The following HSF5 variants were observed in gnomAD, a reference collection of about 807,000 sequenced individuals.
HSF5 encodes the protein heat shock transcription factor 5, also known as heat shock factor protein 5.
Under a neutral mutation model 50.8 loss-of-function variants are expected in HSF5, and 5 were observed. The ratio of observed to expected loss-of-function variants is 0.10; its 90% CI spans 0.05 to 0.21. The LOEUF (loss-of-function observed/expected upper bound fraction) is 0.21, where lower values mean the gene tolerates loss of function less well. HSF5 is among the 10% of genes least tolerant of loss of function. The pLI is 1.00. For missense variants in HSF5, 564 were observed against 762.6 expected, an observed-to-expected ratio of 0.74 and a Z score of 3.07; for synonymous variants, 307 against 307.4, an observed-to-expected ratio of 1.00 and a Z score of 0.02.
chr17:58,462,939 T>C lies in HSF5; in HGVS notation c.1385A>G (p.Tyr462Cys), dbSNP rs1974812765. ...AACAGGCTGAGCTGTGTGGATGGTA[T>C]AGATGTACTCAGGTGACTGTGGTAG... ...CSLPQSPEYI[Y>C]TIHTAQPVEN... is the part of the protein sequence containing the mutation. The change falls in exon 4 of 6, where the codon TAT becomes TGT. Residue 462 changes from tyrosine (Y) to cysteine (C), a missense_variant. By Grantham distance (194) the Tyr-to-Cys change is radical (BLOSUM62 -2). Around this residue, in one of 5 missense-constraint regions of HSF5, gnomAD observed 441 missense variants for 533.6 expected, o/e 0.83. Coordinates refer to ENST00000323777, the MANE Select transcript of HSF5 (RefSeq NM_001080439.3). The C allele has an allele frequency of 6.2e-7, 1 of 1,614,220 alleles. No homozygotes were observed. The highest frequency in any genetic ancestry group is 1.1e-5 in the South Asian group (1 of 91,082).
chr17:58,428,028 T>C (rs1322285680), intron 5 of HSF5, among the ~76,000 whole-genome samples: 1 of 152,244 alleles, frequency 6.6e-6, no homozygotes, highest in Non-Finnish European at 1.5e-5. Context: ...TTTATGGACA[T>C]TGAAATCTGA....
At chr17:58,479,048 T>G (rs976318370) in intron 2 of HSF5, among the ~76,000 whole-genome samples, 1 of 151,942 alleles carries the variant, frequency 6.6e-6, no homozygotes, top group Non-Finnish European at 1.5e-5. Context: ...GGTTTCTCCT[T>G]CTCTCTGCTA....
chr17:58,442,428 G>A (rs1284255286), intron 5 of HSF5, among the ~76,000 whole-genome samples: 4 of 152,126 alleles, frequency 2.6e-5, no homozygotes, highest in Non-Finnish European at 4.4e-5. Context: ...CAGTCTCTGG[G>A]GGGTAAATGG....
intron 5 of HSF5, among the ~76,000 whole-genome samples, chr17:58,436,711 G>A: frequency 6.6e-6 from 1 of 152,028 alleles, no homozygotes; most frequent in East Asian, 1.9e-4. Context: ...TGTCTCGATA[G>A]ATTGTTCTGG....
chr17:58,453,886 C>A (rs1353744670), intron 5 of HSF5, among the ~76,000 whole-genome samples: 1 of 151,710 alleles, frequency 6.6e-6, no homozygotes, highest in African/African-American at 2.4e-5. Flanking sequence ...GTCAGGAGTT[C>A]GAGACCAGCC....
At chr17:58,479,675 T>C (rs1975072058) in intron 2 of HSF5, among the ~76,000 whole-genome samples, 1 of 152,188 alleles carries the variant, frequency 6.6e-6, no homozygotes. Flanking sequence ...AATACACACC[T>C]TTATACATCA....
intron 5 of HSF5, among the ~76,000 whole-genome samples, chr17:58,427,183 C>T (rs1019445643): frequency 3.3e-5 from 5 of 152,144 alleles, no homozygotes; most frequent in Non-Finnish European, 7.3e-5. Flanking sequence ...AGGAGGATAG[C>T]TTGAGCCCAG....
At chr17:58,471,747 G>A (rs1164726657) in intron 2 of HSF5, among the ~76,000 whole-genome samples, 5 of 151,398 alleles carry the variant, frequency 3.3e-5, no homozygotes, top group African/African-American at 4.9e-5. Flanking sequence ...CACCATGCCT[G>A]GCCAGATATA....
chr17:58,445,302 A>C (rs1430855946), intron 5 of HSF5, among the ~76,000 whole-genome samples: 1 of 152,236 alleles, frequency 6.6e-6, no homozygotes, highest in African/African-American at 2.4e-5. Flanking sequence ...AGTTGGAGCC[A>C]GGCGCGGTGG....
chr17:58,436,528 G>C (rs1376736303), intron 5 of HSF5, among the ~76,000 whole-genome samples: 1 of 151,116 alleles, frequency 6.6e-6, no homozygotes, highest in East Asian at 1.9e-4. Context: ...AAAGGATAAG[G>C]CTTTACTTAG....
intron 5 of HSF5, among the ~76,000 whole-genome samples, chr17:58,428,202 C>T (rs532892715): frequency 1.3e-4 from 20 of 152,234 alleles, no homozygotes; most frequent in African/African-American, 3.9e-4. Flanking sequence ...TAATAGCACA[C>T]GCTATGGGTA....
intron 5 of HSF5, among the ~76,000 whole-genome samples, chr17:58,451,707 T>A (rs571110147): frequency 6.6e-6 from 1 of 152,240 alleles, no homozygotes; most frequent in South Asian, 2.1e-4. Flanking sequence ...GAGGGAAGTT[T>A]ATGGCAATAA....
chr17:58,432,913 T>C (rs893837781), intron 5 of HSF5, among the ~76,000 whole-genome samples: 2 of 152,090 alleles, frequency 1.3e-5, no homozygotes, highest in African/African-American at 2.4e-5. Flanking sequence ...AGTGAGCTGA[T>C]AAGATTTGCT....
At chr17:58,445,964 T>C (rs377005096) in intron 5 of HSF5, among the ~76,000 whole-genome samples, 4 of 151,938 alleles carry the variant, frequency 2.6e-5, no homozygotes, top group Admixed American at 6.6e-5. Flanking sequence ...GGCAAAACCC[T>C]GTCTCTATTA....
At chr17:58,480,312 C>T (rs1975079938) in intron 1 of HSF5, 45 bp from the exon 2 acceptor site, 3 of 1,542,318 alleles carry the variant, frequency 1.9e-6, no homozygotes, top group East Asian at 2.3e-5. Context: ...TGCATTACAT[C>T]ACCAGACATA....
At chr17:58,451,553 A>G (rs987347098) in intron 5 of HSF5, among the ~76,000 whole-genome samples, 1 of 152,228 alleles carries the variant, frequency 6.6e-6, no homozygotes, top group Admixed American at 6.5e-5. Flanking sequence ...AACTGTTCAA[A>G]TACGTGGAAA....
At chr17:58,453,664 G>A (rs964116056) in intron 5 of HSF5, among the ~76,000 whole-genome samples, 8 of 151,988 alleles carry the variant, frequency 5.3e-5, no homozygotes, top group African/African-American at 1.9e-4. Flanking sequence ...ATAATCCAAG[G>A]GGGATTTATC....
In HSF5 at chr17:58,453,564, C is replaced by G. The variant is rs531886488; in HGVS notation, c.1720+5204G>C. On this transcript the variant is annotated intron_variant, in intron 5 of 5. Coordinates refer to ENST00000323777, the MANE Select transcript of HSF5 (RefSeq NM_001080439.3). ...AGCTTAAGATCATGCCATTGCACTC[C>G]AGCCTGGGCGACAGAGTGAGCAAAA... 4.6e-5 allele frequency among the ~76,000 whole-genome samples: 7 copies of G among 151,938 alleles called. No homozygotes were observed. In the South Asian group the frequency reaches 1.5e-3, roughly 32 times the overall value.
intron 5 of HSF5, among the ~76,000 whole-genome samples, chr17:58,423,744 G>C (rs1974255636): frequency 6.6e-6 from 1 of 152,022 alleles, no homozygotes; most frequent in African/African-American, 2.4e-5. Context: ...CTCCCAAAGT[G>C]CTAGGATTAC....
Sources: allele counts gnomAD v4.1 joint callset (sites outside exome capture counted in the v4.1 genomes callset), GRCh38; gene constraint gnomAD v4.1.1; regional missense constraint gnomAD v4.1.1; transcripts MANE v1.5; gene names NCBI Gene and HGNC (gene_info 2026-07-23, HGNC 2026-07-21).